Variants in CTNNA3 observed in about 807,000 individuals in gnomAD.
The protein encoded by CTNNA3 is catenin alpha 3.
In CTNNA3, 76 loss-of-function variants were observed where a neutral mutation model predicts 95.7. The ratio of observed to expected loss-of-function variants is 0.79; its 90% CI spans 0.66 to 0.96. The LOEUF (loss-of-function observed/expected upper bound fraction) is 0.96. CTNNA3 is among the 40% of genes least tolerant of loss of function. The pLI is 0.00. For missense variants in CTNNA3, 1,191 were observed against 1,089.8 expected, an observed-to-expected ratio of 1.09 and a Z score of -1.31; for synonymous variants, 431 against 374.4, an observed-to-expected ratio of 1.15 and a Z score of -1.74.
At chr10:67,728,132 A>G (rs1044736092) in intron 1 of CTNNA3, among the ~76,000 whole-genome samples, 1 of 144,984 alleles carries the variant, frequency 6.9e-6, no homozygotes. Context: ...TATAACACAT[A>G]TATGTATATA....
intron 5 of CTNNA3, among the ~76,000 whole-genome samples, chr10:67,433,539 A>G (rs1846192144): frequency 6.6e-6 from 1 of 152,126 alleles, no homozygotes; most frequent in African/African-American, 2.4e-5. Context: ...AAAATGCAGT[A>G]ACTGCAAAGT....
chr10:67,387,710 T>A (rs1412746024), intron 5 of CTNNA3, among the ~76,000 whole-genome samples: 1 of 152,176 alleles, frequency 6.6e-6, no homozygotes, highest in African/African-American at 2.4e-5. Flanking sequence ...CAGCTGGAGA[T>A]CTGAGAACCA....
At chr10:66,034,151 T>C (rs2079511137) in intron 15 of CTNNA3, among the ~76,000 whole-genome samples, 1 of 151,948 alleles carries the variant, frequency 6.6e-6, no homozygotes, top group Admixed American at 6.6e-5. Context: ...TTGAATTAGA[T>C]AGTGTGAGTG....
intron 7 of CTNNA3, among the ~76,000 whole-genome samples, chr10:67,091,275 T>C (rs1857615817): frequency 6.6e-6 from 1 of 151,998 alleles, no homozygotes; most frequent in Non-Finnish European, 1.5e-5. Context: ...TCATCAAGTG[T>C]ATTTTTTAGA....
chr10:67,210,236 G>A (rs192191425), intron 6 of CTNNA3, among the ~76,000 whole-genome samples: 45 of 152,232 alleles, frequency 3.0e-4, no homozygotes, highest in Non-Finnish European at 4.9e-4. Flanking sequence ...GAACCTGGGA[G>A]GCAGAGATTG....
intron 12 of CTNNA3, among the ~76,000 whole-genome samples, chr10:66,355,125 T>G (rs1454782449): frequency 2.0e-5 from 3 of 152,118 alleles, no homozygotes; most frequent in Non-Finnish European, 4.4e-5. Context: ...CAAAGTGAGT[T>G]TGGTTAAGTA....
chr10:66,308,515 A>G (rs2091961252), intron 12 of CTNNA3, among the ~76,000 whole-genome samples: 1 of 152,182 alleles, frequency 6.6e-6, no homozygotes, highest in East Asian at 1.9e-4. Context: ...TTAGCCATTA[A>G]TATCTGAAAA....
chr10:65,929,025 C>T (rs10996779), intron 17 of CTNNA3, among the ~76,000 whole-genome samples: 2 of 135,248 alleles, frequency 1.5e-5, no homozygotes, highest in South Asian at 5.4e-4. Flanking sequence ...ATCCCTCCCC[C>T]CTCCCCTCAC....
intron 10 of CTNNA3, among the ~76,000 whole-genome samples, chr10:66,615,985 T>C (rs1218192390): frequency 6.6e-6 from 1 of 152,080 alleles, no homozygotes; most frequent in African/African-American, 2.4e-5. Context: ...ATGTTTACTT[T>C]TTCAGTATTC....
chr10:65,978,943 G>A (rs1483234510), intron 16 of CTNNA3, among the ~76,000 whole-genome samples: 1 of 152,028 alleles, frequency 6.6e-6, no homozygotes, highest in Non-Finnish European at 1.5e-5. Context: ...AAATACACTG[G>A]AACTCTGTTA....
At chr10:66,138,888 T>C (rs2083475073) in intron 13 of CTNNA3, among the ~76,000 whole-genome samples, 1 of 152,138 alleles carries the variant, frequency 6.6e-6, no homozygotes, top group Non-Finnish European at 1.5e-5. Context: ...AAATAAAAGA[T>C]GGATTGACAA....
chr10:66,428,274 A>G (rs1208946083), intron 11 of CTNNA3, among the ~76,000 whole-genome samples: 1 of 152,194 alleles, frequency 6.6e-6, no homozygotes, highest in Admixed American at 6.6e-5. Context: ...TGACCTACAA[A>G]GAGACTTAGA....
chr10:66,556,507 TATATC>T (rs1249474863), intron 10 of CTNNA3, among the ~76,000 whole-genome samples: 2 of 152,036 alleles, frequency 1.3e-5, no homozygotes, highest in African/African-American at 4.8e-5. Flanking sequence ...TATGTGTACA[TATATC>T]ATATATATAT....
At chr10:67,762,606 G>A (rs938448055) in intron 1 of CTNNA3, among the ~76,000 whole-genome samples, 2 of 152,106 alleles carry the variant, frequency 1.3e-5, no homozygotes, top group African/African-American at 4.8e-5. Context: ...AATTAGGTAA[G>A]GTTAAATTCT....
chr10:67,201,607 C>T (rs72806627), intron 6 of CTNNA3, among the ~76,000 whole-genome samples: 14 of 152,182 alleles, frequency 9.2e-5, no homozygotes, highest in South Asian at 2.1e-4. Context: ...TTGTGGCTAA[C>T]GAAGCTGAGA....
At chr10:67,756,844 A>G (rs1422193877) in intron 1 of CTNNA3, among the ~76,000 whole-genome samples, 1 of 152,234 alleles carries the variant, frequency 6.6e-6, no homozygotes, top group Non-Finnish European at 1.5e-5. Flanking sequence ...ATTTTACCTC[A>G]ATATAACAAA....
Position 67,390,084 on chromosome 10 carries a change from C to T in CTNNA3, c.579+131758G>A, listed in dbSNP as rs552485654. 5.5e-4 allele frequency among the ~76,000 whole-genome samples: 84 copies of T among 152,206 alleles called. 1 individual carries two copies. The South Asian group carries it at 0.014, about 26-fold the overall frequency. On this transcript the variant is annotated intron_variant, in intron 5 of 17. Transcript: ENST00000433211. ...AGAGCAGAACGGAAGGAAATAAAGA[C>T]ATAAAAAACCCTTCAAAAAATTAAT...
At chr10:67,479,030 A>C (rs1485290063) in intron 5 of CTNNA3, among the ~76,000 whole-genome samples, 1 of 152,172 alleles carries the variant, frequency 6.6e-6, no homozygotes, top group Non-Finnish European at 1.5e-5. Context: ...ACACAACGAT[A>C]AAAGGTTTGA....
At chr10:66,801,250 A>T (rs1016952213) in intron 7 of CTNNA3, among the ~76,000 whole-genome samples, 1 of 151,398 alleles carries the variant, frequency 6.6e-6, no homozygotes, top group Non-Finnish European at 1.5e-5. Context: ...GAAATTAATC[A>T]TCAAAGTATT....
Sources: allele counts gnomAD v4.1 joint callset (sites outside exome capture counted in the v4.1 genomes callset), GRCh38; gene constraint gnomAD v4.1.1; transcripts MANE v1.5; gene names NCBI Gene and HGNC (gene_info 2026-07-23, HGNC 2026-07-21).